EYA4: variants seen among roughly 807,000 people sequenced by gnomAD.
EYA4 encodes the protein EYA transcriptional coactivator and phosphatase 4, also known as protein phosphatase EYA4.
Under a neutral mutation model 87.9 loss-of-function variants are expected in EYA4, and 31 were observed. The observed-to-expected ratio is 0.35, with a 90% CI of 0.27 to 0.48. The LOEUF is 0.48. Ranked by LOEUF, EYA4 falls within the 20% of genes least tolerant of loss-of-function variation. EYA4 has a pLI of 0.99. For missense variants in EYA4, 678 were observed against 761.4 expected (o/e 0.89, Z 1.29); for synonymous variants, 263 against 270.6 (o/e 0.97, Z 0.28).
intron 2 of EYA4, among the ~76,000 whole-genome samples, chr6:133,320,413 TA>T (rs1219073131): frequency 3.3e-5 from 5 of 152,140 alleles, no homozygotes; most frequent in African/African-American, 1.2e-4. Flanking sequence ...AGTTTGGTTT[TA>T]TTTTTTTAAA....
At chr6:133,442,876 T>C (rs1158463679) in intron 3 of EYA4, among the ~76,000 whole-genome samples, 1 of 152,134 alleles carries the variant, frequency 6.6e-6, no homozygotes, top group African/African-American at 2.4e-5. Flanking sequence ...ATGATGAATA[T>C]TGTCAAATTT....
intron 2 of EYA4, among the ~76,000 whole-genome samples, chr6:133,319,851 G>T (rs934372424): frequency 6.6e-6 from 1 of 151,628 alleles, no homozygotes. Context: ...AGAGTAGCTG[G>T]GACTATCGGT....
chr6:133,526,658 C>T (rs1226813851), intron 19 of EYA4, among the ~76,000 whole-genome samples: 4 of 152,158 alleles, frequency 2.6e-5, no homozygotes, highest in Non-Finnish European at 5.9e-5. Context: ...GCCCCAAGCA[C>T]GTCCTGTATG....
chr6:133,293,093 C>T (rs998164514), intron 2 of EYA4, among the ~76,000 whole-genome samples: 1 of 152,184 alleles, frequency 6.6e-6, no homozygotes, highest in Admixed American at 6.5e-5. Context: ...TGGATCTCCT[C>T]CTCTTCCTTA....
intron 1 of EYA4, among the ~76,000 whole-genome samples, chr6:133,270,523 C>T (rs1235798597): frequency 6.6e-6 from 1 of 152,154 alleles, no homozygotes; most frequent in East Asian, 1.9e-4. Flanking sequence ...ATGACAATTA[C>T]AGTCCCCGTT....
chr6:133,400,586 T>A (rs1788181119), intron 3 of EYA4, among the ~76,000 whole-genome samples: 1 of 152,110 alleles, frequency 6.6e-6, no homozygotes, highest in Non-Finnish European at 1.5e-5. Context: ...AATATAGGAT[T>A]CATTTAGCAA....
chr6:133,366,847 C>G (rs1198920648), intron 2 of EYA4, among the ~76,000 whole-genome samples: 1 of 152,176 alleles, frequency 6.6e-6, no homozygotes, highest in Non-Finnish European at 1.5e-5. Context: ...ATTGAACATA[C>G]AGAAATTGTA....
chr6:133,307,386 G>T (rs1779892303), intron 2 of EYA4, among the ~76,000 whole-genome samples: 1 of 152,168 alleles, frequency 6.6e-6, no homozygotes, highest in Non-Finnish European at 1.5e-5. Flanking sequence ...TGCCCCATCT[G>T]TTGGGAAAAA....
At chr6:133,244,785 G>T (rs1034993071) in intron 1 of EYA4, among the ~76,000 whole-genome samples, 2 of 151,956 alleles carry the variant, frequency 1.3e-5, no homozygotes, top group East Asian at 1.9e-4. Flanking sequence ...GACTGATGTC[G>T]TGTCTAAAAA....
At chr6:133,251,575 A>T (rs998652202) in intron 1 of EYA4, among the ~76,000 whole-genome samples, 1 of 152,328 alleles carries the variant, frequency 6.6e-6, no homozygotes, top group African/African-American at 2.4e-5. Context: ...ATAACGTTGT[A>T]CCTGAATTCT....
chr6:133,364,191 G>C (rs1784684321), intron 2 of EYA4, among the ~76,000 whole-genome samples: 1 of 152,182 alleles, frequency 6.6e-6, no homozygotes, highest in African/African-American at 2.4e-5. Flanking sequence ...CTCTGGGAGT[G>C]TTGCAAGTGT....
chr6:133,305,880 A>G (rs1046894659), intron 2 of EYA4, among the ~76,000 whole-genome samples: 13 of 152,226 alleles, frequency 8.5e-5, no homozygotes, highest in African/African-American at 2.9e-4. Context: ...CTATCAAAGA[A>G]TAAAATATGT....
In EYA4 at chr6:133,395,686, G is replaced by A. The variant is rs1562370812; in HGVS notation, c.83+13245G>A. Among the ~76,000 whole-genome samples, 4 of 152,154 alleles carry A rather than the reference G, an allele frequency of 2.6e-5. No individual in the cohort carries two copies. In the South Asian group the frequency reaches 8.3e-4, roughly 31 times the overall value. Reference sequence around the variant, plus strand: ...TGAGACAGAAGAATCGCTTGAACCCGAGAGGTGGAGGTTGCAGTGAGCCAA... The same window carrying A: ...TGAGACAGAAGAATCGCTTGAACCCAAGAGGTGGAGGTTGCAGTGAGCCAA... On this transcript the variant is annotated intron_variant, in intron 3 of 19. Coordinates refer to ENST00000355286, the MANE Select transcript of EYA4 (RefSeq NM_004100.5).
At chr6:133,256,910 GT>G (rs1775381087) in intron 1 of EYA4, among the ~76,000 whole-genome samples, 1 of 152,020 alleles carries the variant, frequency 6.6e-6, no homozygotes, top group African/African-American at 2.4e-5. Context: ...AATAGCTAAT[GT>G]ATTCCTCTTG....
At chr6:133,380,883 CTT>C (rs1380120210) in intron 2 of EYA4, among the ~76,000 whole-genome samples, 1 of 146,490 alleles carries the variant, frequency 6.8e-6, no homozygotes, top group African/African-American at 2.5e-5. Context: ...TCCTCTTCTT[CTT>C]CTTCCCTCCC....
chr6:133,271,516 T>C (rs1776685559), intron 1 of EYA4, among the ~76,000 whole-genome samples: 1 of 152,150 alleles, frequency 6.6e-6, no homozygotes, highest in South Asian at 2.1e-4. Context: ...TAAGTGTCTA[T>C]TCCAGTGAGG....
chr6:133,473,145 AAATTC>A (rs1444640498), intron 11 of EYA4, among the ~76,000 whole-genome samples: 4 of 152,084 alleles, frequency 2.6e-5, no homozygotes, highest in African/African-American at 7.2e-5. Flanking sequence ...TGCAAGATCC[AAATTC>A]ATCTCTACTT....
chr6:133,271,659 C>A (rs1017561132), intron 1 of EYA4, among the ~76,000 whole-genome samples: 4 of 152,180 alleles, frequency 2.6e-5, no homozygotes, highest in Non-Finnish European at 5.9e-5. Flanking sequence ...GCAAATTGGG[C>A]ACTCAGCAGT....
At chr6:133,509,400 TA>T (rs150944930) in intron 14 of EYA4, among the ~76,000 whole-genome samples, 27,670 of 139,674 alleles carry the variant, frequency 0.2, 2,846 homozygotes, top group African/African-American at 0.3. Context: ...GTGCTTTTCT[TA>T]AAAAAAAAAA....
Sources: allele counts gnomAD v4.1 joint callset (sites outside exome capture counted in the v4.1 genomes callset), GRCh38; gene constraint gnomAD v4.1.1; transcripts MANE v1.5; gene names NCBI Gene and HGNC (gene_info 2026-07-23, HGNC 2026-07-21).